MAF: variants seen among roughly 807,000 people sequenced by gnomAD.
MAF encodes the protein transcription factor Maf.
In MAF, 10 loss-of-function variants were observed where a neutral mutation model predicts 22.0. That is an observed-to-expected ratio of 0.45 (90% confidence interval 0.28 to 0.77). The LOEUF (loss-of-function observed/expected upper bound fraction) is 0.77. Among genes scored for constraint, MAF ranks in the 30% least tolerant of loss-of-function variants. MAF has a pLI of 0.12. For missense variants in MAF, 544 were observed against 548.4 expected (o/e 0.99, Z 0.08); for synonymous variants, 337 against 255.8 (o/e 1.32, Z -3.03).
At chr16:79,242,514 T>C in the MAF span, among the ~76,000 whole-genome samples, 1 of 151,910 alleles carries the variant, frequency 6.6e-6, no homozygotes, top group African/African-American at 2.4e-5. Flanking sequence ...CTATCCTAAA[T>C]ATATATGCAC....
chr16:79,436,608 C>T, the MAF span, among the ~76,000 whole-genome samples: 2 of 152,340 alleles, frequency 1.3e-5, no homozygotes, highest in South Asian at 4.1e-4. Context: ...TTGACTGTAA[C>T]TCACTTTTCT....
At chr16:79,572,726 T>C in the MAF span, among the ~76,000 whole-genome samples, 1 of 152,202 alleles carries the variant, frequency 6.6e-6, no homozygotes, top group Non-Finnish European at 1.5e-5. Context: ...TTCTTCTTGA[T>C]CTGCGCCCTG....
rs758977376 is a variant in MAF at position 79,599,062 on chromosome 16, C to A, written c.841G>T (p.Val281Phe). ...AGCCGGATCACCTCCTCCTTGCTGACCCCGCGCAGCTGCCGGTTCAGCTCG... is the reference window on the plus strand; with the variant it reads ...AGCCGGATCACCTCCTCCTTGCTGAACCCGCGCAGCTGCCGGTTCAGCTCG... The part of the protein sequence containing the change: ...VRELNRQLRG[V>F]SKEEVIRLKQ... The change falls in exon 1 of 2, where the codon GTC becomes TTC. Residue 281 changes from valine (V) to phenylalanine (F), a missense_variant. Val to Phe is a conservative substitution (Grantham distance 50). Transcript: ENST00000326043. The A allele has an allele frequency of 1.2e-6, 2 of 1,611,920 alleles. No individual in the cohort carries two copies. Among genetic ancestry groups the A allele is most frequent in the Admixed American group, 1.7e-5 (1 of 59,988 alleles).
At chr16:79,382,558 G>A in the MAF span, among the ~76,000 whole-genome samples, 4 of 152,098 alleles carry the variant, frequency 2.6e-5, no homozygotes, top group Admixed American at 6.5e-5. Flanking sequence ...TACAAATAAC[G>A]TACAGTAGAG....
chr16:79,439,087 T>A, the MAF span, among the ~76,000 whole-genome samples: 4 of 152,064 alleles, frequency 2.6e-5, no homozygotes, highest in Non-Finnish European at 4.4e-5. Context: ...GGATTGAGTC[T>A]GGGATTTGCA....
chr16:79,438,287 A>T, the MAF span, among the ~76,000 whole-genome samples: 2 of 152,196 alleles, frequency 1.3e-5, no homozygotes, highest in Non-Finnish European at 2.9e-5. Flanking sequence ...TTAACTCAGC[A>T]GTGTCAGCCC....
At chr16:79,489,610 TGAAA>T in the MAF span, among the ~76,000 whole-genome samples, 2 of 152,238 alleles carry the variant, frequency 1.3e-5, no homozygotes, top group African/African-American at 4.8e-5. Flanking sequence ...CATCTCAGAC[TGAAA>T]GAAAGTGGTG....
chr16:79,295,927 G>T, the MAF span, among the ~76,000 whole-genome samples: 5 of 152,194 alleles, frequency 3.3e-5, no homozygotes, highest in African/African-American at 1.2e-4. Flanking sequence ...TCTGCTGTTG[G>T]GCTCTGCTCT....
chr16:79,375,149 T>C, the MAF span, among the ~76,000 whole-genome samples: 11 of 152,312 alleles, frequency 7.2e-5, no homozygotes, highest in Non-Finnish European at 1.3e-4. Flanking sequence ...ATGGATCCAG[T>C]GTAAAAAGTG....
chr16:79,462,745 G>A, the MAF span, among the ~76,000 whole-genome samples: 1 of 152,152 alleles, frequency 6.6e-6, no homozygotes, highest in Non-Finnish European at 1.5e-5. Context: ...CTGGCCTTTG[G>A]ACCTATACCT....
chr16:79,508,746 T>C, the MAF span, among the ~76,000 whole-genome samples: 1 of 152,324 alleles, frequency 6.6e-6, no homozygotes, highest in South Asian at 2.1e-4. Context: ...ATTATGGTAA[T>C]TGAAAGAAGA....
At chr16:79,589,730 C>T (rs1913075140), downstream of MAF, among the ~76,000 whole-genome samples, 1 of 152,196 alleles carries the variant, frequency 6.6e-6, no homozygotes, top group Non-Finnish European at 1.5e-5. Context: ...CCGGAGCTCG[C>T]TCGCGCTAGG....
chr16:79,584,542 C>A (rs371643919), downstream of MAF, among the ~76,000 whole-genome samples: 13 of 152,116 alleles, frequency 8.5e-5, no homozygotes, highest in African/African-American at 2.9e-4. Flanking sequence ...CCAGTGTGAA[C>A]CTTGCCTTTC....
the MAF span, among the ~76,000 whole-genome samples, chr16:79,223,299 G>A: frequency 1.3e-5 from 2 of 152,008 alleles, no homozygotes; most frequent in Admixed American, 6.6e-5. Context: ...CAGAAATAAA[G>A]TTCTTTCAAA....
the MAF span, among the ~76,000 whole-genome samples, chr16:79,360,765 A>C: frequency 6.6e-6 from 1 of 152,170 alleles, no homozygotes; most frequent in African/African-American, 2.4e-5. Context: ...GATCCACTGC[A>C]AGAAGGAGTG....
the MAF span, among the ~76,000 whole-genome samples, chr16:79,566,416 C>G: frequency 6.6e-6 from 1 of 152,202 alleles, no homozygotes; most frequent in Admixed American, 6.5e-5. Context: ...CCAGTCCTCC[C>G]TGTTGATGGC....
chr16:79,402,821 T>G, the MAF span, among the ~76,000 whole-genome samples: 3 of 152,194 alleles, frequency 2.0e-5, no homozygotes, highest in Non-Finnish European at 4.4e-5. Flanking sequence ...TACCTGCCCA[T>G]GCCTGGGTGT....
At chr16:79,548,224 T>G in the MAF span, among the ~76,000 whole-genome samples, 1 of 152,244 alleles carries the variant, frequency 6.6e-6, no homozygotes, top group African/African-American at 2.4e-5. Flanking sequence ...CAGATCTATT[T>G]CTAAATATCA....
chr16:79,226,856 G>T, the MAF span, among the ~76,000 whole-genome samples: 1 of 151,998 alleles, frequency 6.6e-6, no homozygotes, highest in South Asian at 2.1e-4. Context: ...GCCTTATTGA[G>T]TATTATAGCA....
Sources: gnomAD v4.1 joint callset for allele counts (sites outside exome capture counted in the v4.1 genomes callset) on GRCh38, gnomAD v4.1.1 for gene constraint, MANE v1.5 for transcripts, NCBI Gene and HGNC (gene_info 2026-07-23, HGNC 2026-07-21) for gene names.